The following GATA5 variants were observed in gnomAD, a reference collection of about 807,000 sequenced individuals.
The protein encoded by GATA5 is GATA binding protein 5.
A neutral mutation model predicts 35.0 loss-of-function variants in GATA5; 27 were observed. The observed-to-expected ratio is 0.77, with a 90% CI of 0.57 to 1.06. The LOEUF (loss-of-function observed/expected upper bound fraction) is 1.06, where lower values mean the gene tolerates loss of function less well. Ranked by LOEUF, GATA5 falls within the 50% of genes least tolerant of loss-of-function variation. The pLI is 0.00. For synonymous variants in GATA5, 306 were observed against 267.8 expected (o/e 1.14, Z -1.39); for missense variants, 612 against 580.0 (o/e 1.06, Z -0.57).
chr20:62,473,935 C>T (rs578062731), intron 2 of GATA5, among the ~76,000 whole-genome samples: 10 of 152,096 alleles, frequency 6.6e-5, no homozygotes, highest in African/African-American at 2.2e-4. Flanking sequence ...TCTACACTGG[C>T]GGGGGAGGTG....
chr20:62,473,291 G>A, intron 3 of GATA5, 112 bp downstream of exon 3: 1 of 1,260,940 alleles, frequency 7.9e-7, no homozygotes, highest in South Asian at 1.3e-5. Flanking sequence ...GCTGTTTTTG[G>A]GACACTCCCT....
Position 62,465,322 on chromosome 20 carries a change from C to A in GATA5, c.1038+18G>T. 1 of 1,581,240 alleles carries A rather than the reference C, an allele frequency of 6.3e-7. No individual in the cohort carries two copies. Among genetic ancestry groups the A allele is most frequent in the Non-Finnish European group, 8.5e-7 (1 of 1,171,738 alleles). On this transcript the variant is annotated intron_variant, in intron 6 of 6. Coordinates refer to ENST00000252997, the MANE Select transcript of GATA5 (RefSeq NM_080473.5). ...GGGGCCCCAGCTCTGGGCACCCCAC[C>A]CCAGCCCACCCCCTTACCTGGGGGG...
rs782427091 is a variant in GATA5, at chr20:62,466,411, G to A, written c.825+15C>T. 75 of 1,571,432 alleles carry A rather than the reference G, an allele frequency of 4.8e-5. No individual in the cohort carries two copies. The highest frequency in any genetic ancestry group is 5.4e-5 in the Non-Finnish European group (62 of 1,158,862). ...GACAGAGGCCTCCCCGCCCTGCCCC[G>A]GGGACCACACTCACCCCGTGCAGCT... is the stretch of plus-strand genomic sequence containing the variant. On this transcript the variant is annotated intron_variant, in intron 4 of 6. Transcript: ENST00000252997.
At chr20:62,469,716 A>G (rs1398902075) in intron 3 of GATA5, among the ~76,000 whole-genome samples, 2 of 152,234 alleles carry the variant, frequency 1.3e-5, no homozygotes, top group African/African-American at 4.8e-5. Flanking sequence ...TCAAATTAAG[A>G]CAATGGGAAA....
rs541876026 is a variant in GATA5, at chr20:62,470,378, G to A, written c.699+3025C>T. 3.9e-5 allele frequency among the ~76,000 whole-genome samples: 6 copies of A among 152,364 alleles called. No homozygotes were observed. Among genetic ancestry groups the A allele is most frequent in the East Asian group, 1.9e-4 (1 of 5,184 alleles). On this transcript the variant is annotated intron_variant, in intron 3 of 6. Coordinates refer to ENST00000252997, the MANE Select transcript of GATA5 (RefSeq NM_080473.5). The surrounding 1 kb of genome is among the most constrained non-coding windows in gnomAD (Gnocchi z 4.6). The stretch of plus-strand genomic sequence containing the variant: ...GTGGACAACCAGAGGCTGCTGTGCC[G>A]CAGAGTCTGAGCCTTGGGGACGGGT...
Position 62,475,017 on chromosome 20 carries a change from C to T in GATA5, c.505G>A (p.Gly169Ser), listed in dbSNP as rs782427595. 1.5e-6 allele frequency: 2 copies of T among 1,367,316 alleles called. No homozygotes were observed. Among genetic ancestry groups the T allele is most frequent in the Non-Finnish European group, 1.9e-6 (2 of 1,055,722 alleles). 84.7% of individuals were successfully genotyped at this position (1,367,316 alleles called of 1,614,324 possible). A position where few individuals can be genotyped will look rare whatever the true frequency, so the allele number is the denominator to read the frequency against. Residue 169 changes from glycine to serine, a missense_variant, in exon 2 of 7, where the codon GGC becomes AGC. By Grantham distance (56) the Gly-to-Ser change is moderately conservative. Coordinates refer to ENST00000252997, the MANE Select transcript of GATA5 (RefSeq NM_080473.5). ...FDGSVLHGLP[G>S]RRPTFVSDFL... The stretch of plus-strand genomic sequence containing the variant: ...CACTCACCGAAGGTGGGCCTGCGGC[C>T]TGGGAGGCCGTGCAGGACGCTGCCA...
chr20:62,471,351 C>T (rs782186976), intron 3 of GATA5, among the ~76,000 whole-genome samples: 42 of 151,142 alleles, frequency 2.8e-4, no homozygotes, highest in Non-Finnish European at 5.2e-4. Flanking sequence ...GGCTGAGCTC[C>T]CTACCACTTC....
rs1555895975 is a variant in GATA5 at position 62,465,479 on chromosome 20, G to C, written c.914-15C>G. 6 of 1,603,126 alleles carry C rather than the reference G, an allele frequency of 3.7e-6. No homozygotes were observed. The highest frequency in any genetic ancestry group is 1.1e-5 in the South Asian group (1 of 90,448). ...CCTTGTGGATCCTGGAAGCGAAGAG[G>C]GGGTGTTTACAGAGGGGTCAGGTGT... On this transcript the variant is annotated splice_polypyrimidine_tract_variant and intron_variant, in intron 5 of 6. Coordinates refer to ENST00000252997, the MANE Select transcript of GATA5 (RefSeq NM_080473.5).
intron 3 of GATA5, among the ~76,000 whole-genome samples, chr20:62,471,448 T>TTTTTTTTG (rs1216745509): frequency 2.1e-5 from 3 of 142,274 alleles, no homozygotes; most frequent in Non-Finnish European, 4.6e-5. Context: ...TTTTTTTTTT[T>TTTTTTTTG]TGTGATGAGG....
intron 6 of GATA5, 26 bp from the exon 7 acceptor site, chr20:62,465,017 T>A: frequency 9.9e-7 from 1 of 1,014,226 alleles, no homozygotes; most frequent in South Asian, 1.4e-5. Context: ...AGCGTGAGAA[T>A]GTGGGGTGGG....
chr20:62,464,540 G>A lies in GATA5; in HGVS notation c.*296C>T, dbSNP rs544499909. 1.7e-5 allele frequency: 5 copies of A among 291,874 alleles called. No homozygotes were observed. The highest frequency in any genetic ancestry group is 8.7e-5 in the African/African-American group (4 of 46,060). 18.1% of individuals were successfully genotyped at this position (291,874 alleles called of 1,614,324 possible). On this transcript the variant is annotated 3_prime_UTR_variant, in exon 7 of 7. Transcript: ENST00000252997. ...CAAGTTGGTGGTGGTGGTGCCCTGC[G>A]TTGGCCTCCGCCGCAGGGGGCCAGT...
chr20:62,473,017 G>A (rs1989759110), intron 3 of GATA5, among the ~76,000 whole-genome samples: 1 of 152,228 alleles, frequency 6.6e-6, no homozygotes, highest in Non-Finnish European at 1.5e-5. Flanking sequence ...CTCCGAGACA[G>A]GGCCAGGCCA....
chr20:62,465,106 C>G, intron 6 of GATA5, 115 bp from the exon 7 acceptor site: 1 of 954,618 alleles, frequency 1.0e-6, no homozygotes, highest in South Asian at 1.7e-5. Flanking sequence ...CCCTTAGGGA[C>G]CCCCTGATGC....
intron 2 of GATA5, among the ~76,000 whole-genome samples, chr20:62,474,233 C>T (rs1555896876): frequency 9.2e-5 from 14 of 152,218 alleles, no homozygotes; most frequent in Non-Finnish European, 5.9e-5. Flanking sequence ...TTCCTGGTCC[C>T]CTCCAGGCCC....
chr20:62,474,756 C>T (rs1170359661), intron 2 of GATA5, among the ~76,000 whole-genome samples: 3 of 152,268 alleles, frequency 2.0e-5, no homozygotes, highest in Non-Finnish European at 4.4e-5. Context: ...TTGGCACAAT[C>T]CGGAATGCTG....
rs782820803 is a variant in GATA5, at chr20:62,464,971, G to A, written c.1059C>T (p.Asp353=). ...ACTCCAAGTGGCCGGGGGCAAGAGAGTCATCCTCCTGGCCAGAGGCCTGCA... is the reference window on the plus strand; with the variant it reads ...ACTCCAAGTGGCCGGGGGCAAGAGAATCATCCTCCTGGCCAGAGGCCTGCA... ...MAPQASGQED[D]SLAPGHLEFK... Residue 353 remains aspartate, a synonymous_variant, in exon 7 of 7, where the codon GAC becomes GAT. Coordinates refer to ENST00000252997, the MANE Select transcript of GATA5 (RefSeq NM_080473.5). 2.0e-6 allele frequency: 3 copies of A among 1,520,978 alleles called. No individual in the cohort carries two copies. The South Asian group carries it at 3.3e-5, about 17-fold the overall frequency. 94.2% of individuals were successfully genotyped at this position (1,520,978 alleles called of 1,614,324 possible).
chr20:62,465,905 G>T lies in GATA5; in HGVS notation c.842C>A (p.Ala281Asp). The T allele has an allele frequency of 6.3e-7, 1 of 1,592,686 alleles. No homozygotes were observed. The highest frequency in any genetic ancestry group is 8.5e-7 in the Non-Finnish European group (1 of 1,169,756). ...MKLHGVPRPLAMKKESIQTRK... is the reference protein window; with the variant it reads ...MKLHGVPRPLDMKKESIQTRK... ...TGTCTGGATGCTTTCCTTCTTCATA[G>T]CCAGAGGCCGCGGCACCTGGCAGGG... Residue 281 changes from alanine (A) to aspartate (D), a missense_variant, in exon 5 of 7, where the codon GCT becomes GAT. Ala to Asp is a moderately radical substitution (Grantham distance 126). Coordinates refer to ENST00000252997, the MANE Select transcript of GATA5 (RefSeq NM_080473.5).
At chr20:62,465,043 G>A (rs781832009) in intron 6 of GATA5, 52 bp from the exon 7 acceptor site, 1 of 1,127,184 alleles carries the variant, frequency 8.9e-7, no homozygotes. Flanking sequence ...GGGCGTGGGG[G>A]GCTGGGGGAA....
chr20:62,466,298 TACA>T, intron 4 of GATA5, 125 bp downstream of exon 4: 1 of 1,129,874 alleles, frequency 8.9e-7, no homozygotes, highest in Non-Finnish European at 1.2e-6. Context: ...GACATGTGTG[TACA>T]ACAGCCCAGG....
Sources: allele counts gnomAD v4.1 joint callset (sites outside exome capture counted in the v4.1 genomes callset), GRCh38; gene constraint gnomAD v4.1.1; non-coding constraint Gnocchi (gnomAD v3.1); transcripts MANE v1.5; gene names NCBI Gene and HGNC (gene_info 2026-07-23, HGNC 2026-07-21).